Variants in PRSS23 observed in about 807,000 individuals in gnomAD.
PRSS23 encodes the protein serine protease 23, also known as protease, serine 23.
PRSS23 carries 25 observed loss-of-function variants against 34.7 expected under a neutral mutation model. The observed-to-expected ratio is 0.72, with a 90% CI of 0.53 to 1.01. The LOEUF (loss-of-function observed/expected upper bound fraction) is 1.01, where lower values mean the gene tolerates loss of function less well. Among genes scored for constraint, PRSS23 ranks in the 50% least tolerant of loss-of-function variants. The probability of loss-of-function intolerance (pLI) is 0.00; values close to 1 mark genes in which losing one functional copy is unlikely to be tolerated. For missense variants in PRSS23, 445 were observed against 475.6 expected (o/e 0.94, Z 0.60); for synonymous variants, 176 against 186.6 (o/e 0.94, Z 0.46).
chr11:86,860,055 C>A (rs1036427650), intron 2 of PRSS23, among the ~76,000 whole-genome samples: 2 of 151,798 alleles, frequency 1.3e-5, no homozygotes, highest in African/African-American at 2.4e-5. Context: ...CTTTCAATAT[C>A]GCATTTTGTA....
chr11:86,889,393 A>AG (rs1405642741), intron 2 of PRSS23, among the ~76,000 whole-genome samples: 2 of 152,212 alleles, frequency 1.3e-5, no homozygotes, highest in Non-Finnish European at 1.5e-5. Flanking sequence ...ATAGTTCTGG[A>AG]GGCTGGAAGT....
chr11:86,823,001 G>C (rs188028992), intron 1 of PRSS23, among the ~76,000 whole-genome samples: 2 of 152,274 alleles, frequency 1.3e-5, no homozygotes, highest in African/African-American at 2.4e-5. Context: ...AGCTGAACTG[G>C]AGCCACAGAT....
intron 2 of PRSS23, chr11:86,935,591 C>A (rs1315191463): frequency 1.3e-5 from 2 of 152,112 alleles, no homozygotes; most frequent in Admixed American, 1.3e-4. Context: ...TCATCCATTA[C>A]CAATTACTAA....
At chr11:86,828,585 A>G (rs1197632689) in intron 2 of PRSS23, among the ~76,000 whole-genome samples, 5 of 152,154 alleles carry the variant, frequency 3.3e-5, no homozygotes, top group Non-Finnish European at 5.9e-5. Flanking sequence ...GTTTCTCCCT[A>G]GCCTCAATGG....
intron 2 of PRSS23, among the ~76,000 whole-genome samples, chr11:86,913,288 A>AAC (rs149841246): frequency 0.57 from 81,999 of 144,802 alleles, 26,132 homozygotes; most frequent in Non-Finnish European, 0.71. Flanking sequence ...AAAAAAAAAA[A>AAC]AAACCTATTA....
intron 2 of PRSS23, among the ~76,000 whole-genome samples, chr11:86,941,868 G>C (rs1366611620): frequency 6.6e-6 from 1 of 152,050 alleles, no homozygotes; most frequent in East Asian, 1.9e-4. Context: ...GGCCATGTTT[G>C]TCATCAAAGC....
intron 1 of PRSS23, among the ~76,000 whole-genome samples, chr11:86,806,759 A>G (rs570080469): frequency 2.0e-5 from 3 of 152,212 alleles, no homozygotes; most frequent in Non-Finnish European, 4.4e-5. Flanking sequence ...CCATTTAACA[A>G]ATCTTTGTCG....
intron 2 of PRSS23, among the ~76,000 whole-genome samples, chr11:86,927,349 A>G (rs771558051): frequency 4.6e-5 from 7 of 152,214 alleles, no homozygotes; most frequent in Non-Finnish European, 7.3e-5. Context: ...GATTGACTCT[A>G]AAGGTTATGT....
chr11:86,813,054 G>C (rs187190023), downstream of PRSS23, among the ~76,000 whole-genome samples: 2 of 152,244 alleles, frequency 1.3e-5, no homozygotes, highest in African/African-American at 2.4e-5. Flanking sequence ...AAGGAGACAG[G>C]CATATTTATC....
chr11:86,929,615 C>T (rs1418162681), intron 2 of PRSS23, among the ~76,000 whole-genome samples: 1 of 152,176 alleles, frequency 6.6e-6, no homozygotes, highest in Non-Finnish European at 1.5e-5. Context: ...GATGACAAAG[C>T]GAGACTCCGT....
chr11:86,867,573 C>T (rs537564815), intron 2 of PRSS23, among the ~76,000 whole-genome samples: 2 of 152,286 alleles, frequency 1.3e-5, no homozygotes, highest in South Asian at 4.2e-4. Flanking sequence ...CCCTAGTATA[C>T]ACCAAGCTAT....
At chr11:86,929,308 G>T (rs1322282063) in intron 2 of PRSS23, among the ~76,000 whole-genome samples, 1 of 143,990 alleles carries the variant, frequency 6.9e-6, no homozygotes, top group Non-Finnish European at 1.5e-5. Context: ...GGCAACAACA[G>T]CGAAACTCCG....
intron 2 of PRSS23, among the ~76,000 whole-genome samples, chr11:86,853,825 C>A (rs73526399): frequency 1.4e-4 from 22 of 152,290 alleles, no homozygotes; most frequent in African/African-American, 4.3e-4. Flanking sequence ...CCTGTTCCTG[C>A]ACAATTTTAC....
In PRSS23 at chr11:86,865,079, G is replaced by C. The variant is rs1275641294; in HGVS notation, c.206+41486G>C. ...CAGAGACTAAGATGTGACCATCTTT[G>C]GTGGTGGTAGGAGGGGACAGAGGCA... On this transcript the variant is annotated intron_variant, in intron 2 of 2. Coordinates refer to the PRSS23 transcript ENST00000533902. 2.0e-5 allele frequency among the ~76,000 whole-genome samples: 3 copies of C among 152,208 alleles called. No individual in the cohort carries two copies. In the East Asian group the frequency reaches 5.8e-4, roughly 29 times the overall value.
At chr11:86,816,384 A>C (rs1948215431) in intron 1 of PRSS23, among the ~76,000 whole-genome samples, 1 of 152,204 alleles carries the variant, frequency 6.6e-6, no homozygotes, top group South Asian at 2.1e-4. Context: ...TCTACCTCCC[A>C]GAGTGATGAG....
At chr11:86,853,094 T>C (rs1423788069) in intron 2 of PRSS23, among the ~76,000 whole-genome samples, 1 of 151,614 alleles carries the variant, frequency 6.6e-6, no homozygotes, top group Non-Finnish European at 1.5e-5. Flanking sequence ...CCTTAAGTGA[T>C]CCACCTGCCT....
chr11:86,827,388 T>C (rs963364379), intron 2 of PRSS23, among the ~76,000 whole-genome samples: 5 of 152,238 alleles, frequency 3.3e-5, no homozygotes, highest in Non-Finnish European at 2.9e-5. Flanking sequence ...CTCTCTTTTC[T>C]TCTTTATTAG....
chr11:86,840,736 AG>A (rs973004114), intron 2 of PRSS23, among the ~76,000 whole-genome samples: 1 of 152,252 alleles, frequency 6.6e-6, no homozygotes, highest in African/African-American at 2.4e-5. Context: ...CAAATGTAAA[AG>A]AACAGAAATC....
At chr11:86,864,622 A>T (rs1317384974) in intron 2 of PRSS23, among the ~76,000 whole-genome samples, 1 of 152,210 alleles carries the variant, frequency 6.6e-6, no homozygotes, top group East Asian at 1.9e-4. Flanking sequence ...TTAGTTTTCT[A>T]TTGCTTCTAT....
Sources: gnomAD v4.1 joint callset for allele counts (sites outside exome capture counted in the v4.1 genomes callset) on GRCh38, gnomAD v4.1.1 for gene constraint, MANE v1.5 for transcripts, NCBI Gene and HGNC (gene_info 2026-07-23, HGNC 2026-07-21) for gene names.